Variants in CFC1 observed in about 807,000 individuals in gnomAD.
The protein encoded by CFC1 is cryptic, EGF-CFC family member 1.
For synonymous variants in CFC1, 8 were observed against 50.7 expected (o/e 0.16, Z 3.58); for missense variants, 14 against 120.0 (o/e 0.12, Z 4.13).
chr2:130,593,495 C>G (rs1316904741), intron 5 of CFC1, among the ~76,000 whole-genome samples: 1 of 152,028 alleles, frequency 6.6e-6, no homozygotes, highest in Non-Finnish European at 1.5e-5. Context: ...CACTTTTCCC[C>G]AAATGAGTGC....
At position 130,598,749 on chromosome 2, in the gene CFC1, C is replaced by T. The variant is rs201431919; in HGVS notation, c.140G>A (p.Arg47Gln). 15,721 of 1,604,432 alleles carry T rather than the reference C, an allele frequency of 9.8e-3. 376 individuals carry two copies. The African/African-American group carries it at 0.2, about 20-fold the overall frequency. Residue 47 changes from arginine to glutamine, a missense_variant, in exon 3 of 6, where the codon CGA becomes CAA. Coordinates refer to ENST00000259216, the MANE Select transcript of CFC1 (RefSeq NM_032545.4). ...GGAGGTCCAGTTGAGCGGTGACTGTCGGTGCTTCTGAGTGGCAACCTTGGT... is the reference window on the plus strand; with the variant it reads ...GGAGGTCCAGTTGAGCGGTGACTGTTGGTGCTTCTGAGTGGCAACCTTGGT... Reference protein sequence around the residue: ...EVTKVATQKHRQSPLNWTSSH... With the variant: ...EVTKVATQKHQQSPLNWTSSH...
At chr2:130,593,525 A>G (rs1174187628) in intron 5 of CFC1, among the ~76,000 whole-genome samples, 2 of 151,948 alleles carry the variant, frequency 1.3e-5, no homozygotes, top group Admixed American at 6.5e-5. Context: ...TTCTTTGACG[A>G]GGGACAGCTG....
intron 5 of CFC1, among the ~76,000 whole-genome samples, chr2:130,595,974 C>T (rs1156382212): frequency 4.0e-5 from 4 of 100,092 alleles, no homozygotes; most frequent in South Asian, 7.9e-4. Flanking sequence ...GCACCTGCCA[C>T]GGAGGATGTT....
intron 5 of CFC1, among the ~76,000 whole-genome samples, chr2:130,593,425 A>C (rs1373189692): frequency 6.6e-6 from 1 of 152,262 alleles, no homozygotes; most frequent in African/African-American, 2.4e-5. Context: ...CATAGACCCG[A>C]TTTAAAACAG....
At chr2:130,599,053 TA>T in intron 1 of CFC1, 94 bp from the exon 2 acceptor site, 1 of 307,126 alleles carries the variant, frequency 3.3e-6, no homozygotes, top group Admixed American at 7.7e-5. Context: ...GCCATCATTA[TA>T]TATAAATATA....
rs1477676247 is a variant in CFC1, at chr2:130,599,110, C to G, written c.24-151G>C. ...AATGAATAAGGCAATCATTTTGTAA[C>G]TTGTAGGTTTTTGTTAATTTTGCTA... On this transcript the variant is annotated intron_variant, in intron 1 of 5. Coordinates refer to ENST00000259216, the MANE Select transcript of CFC1 (RefSeq NM_032545.4). 166 of 100,628 alleles carry G rather than the reference C, an allele frequency of 1.6e-3. No homozygotes were observed. The African/African-American group carries it at 0.043, about 26-fold the overall frequency. The allele number at this position is 100,628 out of a possible 1,614,324, so 6.2% of individuals were successfully genotyped here.
intron 5 of CFC1, among the ~76,000 whole-genome samples, chr2:130,595,590 T>C (rs1219588323): frequency 6.9e-6 from 1 of 144,984 alleles, no homozygotes; most frequent in Admixed American, 6.7e-5. Context: ...TAAAAAAAGT[T>C]AGCTGGGCGT....
chr2:130,595,768 G>A (rs1684948844), intron 5 of CFC1, among the ~76,000 whole-genome samples: 1 of 150,970 alleles, frequency 6.6e-6, no homozygotes, highest in Admixed American at 6.6e-5. Flanking sequence ...AATGGCACAA[G>A]GTAAAGAATC....
In CFC1 at chr2:130,592,554, GGCTGA is replaced by G. The variant is rs1684839248; in HGVS notation, c.*318_*322del. ...GAGGAGGCTGGCCTGGCGCTCTTCA[GGCTGA>G]ACTCTGCCTGCGTTGCCTTGCGGTG... On this transcript the variant is annotated 3_prime_UTR_variant, in exon 6 of 6. Transcript: ENST00000259216. The G allele has an allele frequency of 1.3e-5, 2 of 154,682 alleles. No individual in the cohort carries two copies. The highest frequency in any genetic ancestry group is 2.7e-5 in the Non-Finnish European group (2 of 73,084). The allele number at this position is 154,682 out of a possible 1,614,324, so 9.6% of individuals were successfully genotyped here.
rs1685017947 is a variant in CFC1 at position 130,598,780 on chromosome 2, C to T, written c.109G>A (p.Glu37Lys). The T allele has an allele frequency of 6.2e-7, 1 of 1,610,970 alleles. No homozygotes were observed. The highest frequency in any genetic ancestry group is 1.1e-5 in the South Asian group (1 of 91,034). Residue 37 changes from glutamate (E) to lysine (K), a missense_variant, in exon 3 of 6, where the codon GAA becomes AAA. Physicochemically the swap from Glu to Lys is moderately conservative, Grantham distance 56 (BLOSUM62 1). Transcript: ENST00000259216. Reference protein sequence around the residue: ...QREKHNGGREEVTKVATQKHR... With the variant: ...QREKHNGGREKVTKVATQKHR... ...TTCTGAGTGGCAACCTTGGTGACTT[C>T]CTCTCTACCGCCGTTATGTTTCTCT...
At chr2:130,598,539 T>C (rs1288844433) in intron 3 of CFC1, 103 bp downstream of exon 3, 2 of 1,514,362 alleles carry the variant, frequency 1.3e-6, no homozygotes, top group Non-Finnish European at 1.8e-6. Context: ...AATGCTCTCC[T>C]TGGATTTTAT....
intron 5 of CFC1, among the ~76,000 whole-genome samples, chr2:130,594,853 G>A (rs1362328776): frequency 6.8e-6 from 1 of 147,906 alleles, no homozygotes; most frequent in East Asian, 1.9e-4. Flanking sequence ...CCTGCTACAT[G>A]GAAGCTTTTC....
chr2:130,592,314 A>C lies in CFC1; in HGVS notation c.*563T>G, dbSNP rs540402129. Reference sequence around the variant, plus strand: ...AAAAGTAATTATGTCACACAGGCTCATGAACTACAGTGGATTTAAAAAGCT... The same window carrying C: ...AAAAGTAATTATGTCACACAGGCTCCTGAACTACAGTGGATTTAAAAAGCT... On this transcript the variant is annotated 3_prime_UTR_variant, in exon 6 of 6. Coordinates refer to ENST00000259216, the MANE Select transcript of CFC1 (RefSeq NM_032545.4). 5.5e-6 allele frequency: 1 copy of C among 182,042 alleles called. No individual in the cohort carries two copies. Among genetic ancestry groups the C allele is most frequent in the African/African-American group, 2.8e-5 (1 of 35,430 alleles). The allele number at this position is 182,042 out of a possible 1,614,324, so 11.3% of individuals were successfully genotyped here.
intron 5 of CFC1, among the ~76,000 whole-genome samples, chr2:130,593,841 GGGT>G (rs1452032749): frequency 7.6e-6 from 1 of 131,748 alleles, no homozygotes; most frequent in East Asian, 2.0e-4. Context: ...CTAATGCCCT[GGGT>G]GGTGGTTGCC....
At chr2:130,597,204 A>AG (rs1197765425) in intron 5 of CFC1, among the ~76,000 whole-genome samples, 2 of 126,284 alleles carry the variant, frequency 1.6e-5, no homozygotes, top group Non-Finnish European at 3.1e-5. Flanking sequence ...TCCGATTACC[A>AG]GCTGGTCATC....
intron 5 of CFC1, among the ~76,000 whole-genome samples, chr2:130,595,804 T>G (rs1247079995): frequency 6.8e-6 from 1 of 147,900 alleles, no homozygotes; most frequent in Non-Finnish European, 1.5e-5. Flanking sequence ...TCTGTAGGAG[T>G]TGATCTCTCT....
chr2:130,593,329 G>T (rs1409535104), intron 5 of CFC1, among the ~76,000 whole-genome samples: 21 of 152,354 alleles, frequency 1.4e-4, no homozygotes, highest in African/African-American at 5.1e-4. Context: ...TGTTTAAAGG[G>T]GGAACGAAGA....
At chr2:130,595,458 AC>A (rs1169685423) in intron 5 of CFC1, among the ~76,000 whole-genome samples, 32 of 148,132 alleles carry the variant, frequency 2.2e-4, no homozygotes, top group Admixed American at 2.1e-3. Context: ...TGGGCCGGGC[AC>A]GGTGGCTCAC....
At chr2:130,595,591 A>G (rs1369387709) in intron 5 of CFC1, among the ~76,000 whole-genome samples, 1 of 145,340 alleles carries the variant, frequency 6.9e-6, no homozygotes, top group Non-Finnish European at 1.5e-5. Context: ...AAAAAAAGTT[A>G]GCTGGGCGTG....
Sources: gnomAD v4.1 joint callset for allele counts (sites outside exome capture counted in the v4.1 genomes callset) on GRCh38, gnomAD v4.1.1 for gene constraint, MANE v1.5 for transcripts, NCBI Gene and HGNC (gene_info 2026-07-23, HGNC 2026-07-21) for gene names.